The following CPLANE1 variants were observed in gnomAD, a reference collection of about 807,000 sequenced individuals.
CPLANE1 encodes the protein ciliogenesis and planar polarity effector complex subunit 1.
A neutral mutation model predicts 362.5 loss-of-function variants in CPLANE1; 263 were observed. The ratio of observed to expected loss-of-function variants is 0.73; its 90% CI spans 0.66 to 0.80. The LOEUF is 0.80. Among genes scored for constraint, CPLANE1 ranks in the 30% least tolerant of loss-of-function variants. The pLI is 0.00. For missense variants in CPLANE1, 3,461 were observed against 3,793.4 expected (o/e 0.91, Z 2.30); for synonymous variants, 1,212 against 1,302.6 (o/e 0.93, Z 1.50).
chr5:37,220,451 C>T (rs938338049), intron 15 of CPLANE1, among the ~76,000 whole-genome samples: 1 of 152,094 alleles, frequency 6.6e-6, no homozygotes, highest in Non-Finnish European at 1.5e-5. Context: ...TATATCTTTC[C>T]CTCTGGTTAT....
the CPLANE1 span, among the ~76,000 whole-genome samples, chr5:37,078,056 T>A: frequency 1.3e-5 from 2 of 152,194 alleles, no homozygotes; most frequent in Admixed American, 6.5e-5. Flanking sequence ...CAATTTTTTA[T>A]CTTCAGCTTT....
In CPLANE1 at chr5:37,208,759, G is replaced by A. The variant is rs61561054; in HGVS notation, c.2921-2334C>T. Among the ~76,000 whole-genome samples, 1,092 of 147,350 alleles carry A rather than the reference G, an allele frequency of 7.4e-3. 18 individuals are homozygous for A. Among genetic ancestry groups the A allele is most frequent in the African/African-American group, 0.026 (1,027 of 39,708 alleles). ...ACTCCTGAAATTCCAATCTCAAATT[G>A]CCACTCAGTCACGCTGTATTGCTCT... On this transcript the variant is annotated intron_variant, in intron 16 of 52. Transcript: ENST00000651892.
chr5:37,243,386 T>A (rs1388764909), intron 5 of CPLANE1, among the ~76,000 whole-genome samples: 1 of 152,000 alleles, frequency 6.6e-6, no homozygotes, highest in Non-Finnish European at 1.5e-5. Flanking sequence ...CTTACATATT[T>A]ATTTTTCTCT....
intron 49 of CPLANE1, among the ~76,000 whole-genome samples, chr5:37,120,891 T>C (rs891330224): frequency 7.9e-5 from 12 of 152,228 alleles, no homozygotes; most frequent in Non-Finnish European, 1.8e-4. Flanking sequence ...TCTGGGTTTG[T>C]GTTGGTAGTA....
intron 15 of CPLANE1, among the ~76,000 whole-genome samples, chr5:37,216,781 G>C (rs1354772521): frequency 1.3e-5 from 2 of 152,166 alleles, no homozygotes; most frequent in Non-Finnish European, 2.9e-5. Context: ...GATAACATTA[G>C]TTGGTATGAA....
chr5:37,154,004 A>G lies in CPLANE1; in HGVS notation c.8120-11T>C, dbSNP rs1159826362. 9 of 1,590,316 alleles carry G rather than the reference A, an allele frequency of 5.7e-6. No individual in the cohort carries two copies. The South Asian group carries it at 9.1e-5, about 16-fold the overall frequency. ...CTGGTTTTGGCAGACCTAAATATTA[A>G]TAAGAATAAAAGCAGAATTGATTAT... On this transcript the variant is annotated splice_polypyrimidine_tract_variant and intron_variant, in intron 41 of 52. Transcript: ENST00000651892.
chr5:37,227,950 A>C, intron 9 of CPLANE1, 133 bp from the exon 10 acceptor site: 1 of 789,582 alleles, frequency 1.3e-6, no homozygotes, highest in Non-Finnish European at 2.0e-6. Flanking sequence ...AAAAATATTA[A>C]ATGTGTTTAT....
At chr5:37,239,284 A>T (rs1366623412) in intron 7 of CPLANE1, among the ~76,000 whole-genome samples, 1 of 151,074 alleles carries the variant, frequency 6.6e-6, no homozygotes, top group South Asian at 2.1e-4. Flanking sequence ...CCACCAACTT[A>T]AAGAATATAA....
rs10668756 is a variant in CPLANE1 at position 37,184,651 on chromosome 5, G to GGGGGT, written c.4481+132_4481+136dup. ...TACTCCTAATATTCTTATGAGTGGA[G>GGGGGT]GGGGTGGCACTTATCATTCATATTA... On this transcript the variant is annotated intron_variant, in intron 25 of 52. Transcript: ENST00000651892. The GGGGGT allele has an allele frequency of 5.3e-4, 340 of 636,674 alleles. 2 individuals carry two copies. In the African/African-American group the frequency reaches 5.8e-3, roughly 11 times the overall value. The allele number at this position is 636,674 out of a possible 1,614,324, so 39.4% of individuals were successfully genotyped here. A position where few individuals can be genotyped will look rare whatever the true frequency, so the allele number is the denominator to read the frequency against.
At chr5:37,248,197 G>C (rs997728376) in intron 1 of CPLANE1, among the ~76,000 whole-genome samples, 1 of 137,736 alleles carries the variant, frequency 7.3e-6, no homozygotes, top group Non-Finnish European at 1.6e-5. Flanking sequence ...GCGCGATCTC[G>C]GCTCACTGCA....
intron 44 of CPLANE1, chr5:37,141,365 A>C: frequency 2.0e-6 from 2 of 985,428 alleles, no homozygotes; most frequent in Non-Finnish European, 2.4e-6. Context: ...AGAAGAGAAA[A>C]GCTATCAGTG....
intron 11 of CPLANE1, 33 bp downstream of exon 11, chr5:37,227,210 G>C: frequency 6.5e-7 from 1 of 1,543,450 alleles, no homozygotes; most frequent in African/African-American, 1.4e-5. Context: ...AGTCATAATT[G>C]TTCCAAGTAA....
the CPLANE1 span, among the ~76,000 whole-genome samples, chr5:37,086,267 A>T: frequency 6.6e-6 from 1 of 152,238 alleles, no homozygotes; most frequent in Non-Finnish European, 1.5e-5. Context: ...CAGTGCATGG[A>T]ACTTTCTCCA....
chr5:37,081,612 T>G, the CPLANE1 span, among the ~76,000 whole-genome samples: 1 of 151,966 alleles, frequency 6.6e-6, no homozygotes, highest in Non-Finnish European at 1.5e-5. Context: ...TATGAGCCAC[T>G]GTGTCCGGCC....
At chr5:37,219,822 G>T (rs569876939) in intron 15 of CPLANE1, among the ~76,000 whole-genome samples, 1 of 152,018 alleles carries the variant, frequency 6.6e-6, no homozygotes, top group Admixed American at 6.6e-5. Context: ...ACATATACAT[G>T]TGTCAAAAGG....
intron 8 of CPLANE1, among the ~76,000 whole-genome samples, chr5:37,232,917 C>T (rs1301717963): frequency 1.3e-5 from 2 of 151,652 alleles, no homozygotes; most frequent in Middle Eastern, 3.4e-3. Context: ...GTAACTCCTC[C>T]ATGGAGAGGA....
intron 9 of CPLANE1, among the ~76,000 whole-genome samples, chr5:37,230,285 G>A (rs1027075042): frequency 6.7e-6 from 1 of 149,744 alleles, no homozygotes; most frequent in Non-Finnish European, 1.5e-5. Flanking sequence ...ACCGGTATGT[G>A]AATCTTGATC....
rs1779379899 is a variant in CPLANE1, at chr5:37,170,178, T to C, written c.6325A>G (p.Ser2109Gly). The change falls in exon 33 of 53, where the codon AGC becomes GGC. Residue 2109 changes from serine to glycine, a missense_variant. Physicochemically the swap from Ser to Gly is moderately conservative, Grantham distance 56 (BLOSUM62 0). Transcript: ENST00000651892. ...AATCTCTCCTTAAGATTTTTGTTGC[T>C]GTCTTCAACATCACCACATCCTCTT... ...NLRGCGDVED[S>G]NKNLKERFFI... The C allele has an allele frequency of 1.2e-6, 2 of 1,614,210 alleles. No individual in the cohort carries two copies. Among genetic ancestry groups the C allele is most frequent in the African/African-American group, 2.7e-5 (2 of 75,060 alleles).
At chr5:37,140,764 T>C in intron 44 of CPLANE1, 2 of 985,476 alleles carry the variant, frequency 2.0e-6, no homozygotes, top group Non-Finnish European at 2.4e-6. Context: ...CCCTTTCTCC[T>C]ATTAGTAACC....
Sources: gnomAD v4.1 joint callset for allele counts (sites outside exome capture counted in the v4.1 genomes callset) on GRCh38, gnomAD v4.1.1 for gene constraint, MANE v1.5 for transcripts, NCBI Gene and HGNC (gene_info 2026-07-23, HGNC 2026-07-21) for gene names.